The following KIAA1549L variants were observed in gnomAD, a reference collection of about 807,000 sequenced individuals.
KIAA1549L encodes the protein KIAA1549 like.
Under a neutral mutation model 160.7 loss-of-function variants are expected in KIAA1549L, and 88 were observed. The observed-to-expected ratio is 0.55, with a 90% CI of 0.46 to 0.65. The LOEUF is 0.65. Ranked by LOEUF, KIAA1549L falls within the 30% of genes least tolerant of loss-of-function variation. KIAA1549L has a pLI of 0.00. For synonymous variants in KIAA1549L, 950 were observed against 976.7 expected (o/e 0.97, Z 0.51); for missense variants, 2,258 against 2,437.5 (o/e 0.93, Z 1.55).
At chr11:33,599,705 C>T (rs529456007) in intron 13 of KIAA1549L, among the ~76,000 whole-genome samples, 6 of 152,322 alleles carry the variant, frequency 3.9e-5, no homozygotes, top group African/African-American at 1.4e-4. Context: ...GCAGCTCCCT[C>T]TCCTGTTCCC....
In KIAA1549L at chr11:33,673,500, T is replaced by C. The variant is rs1186199565; in HGVS notation, c.*5346T>C. On this transcript the variant is annotated 3_prime_UTR_variant, in exon 21 of 21. Transcript: ENST00000658780. ...GGAAATTGTGAAAAAGGTATAAATA[T>C]CCTAGACCTTGATCAACTCACTTTA... 1 of 152,142 alleles carries C rather than the reference T, an allele frequency of 6.6e-6. No individual in the cohort carries two copies. Among genetic ancestry groups the C allele is most frequent in the Non-Finnish European group, 1.5e-5 (1 of 68,028 alleles). 9.4% of individuals were successfully genotyped at this position (152,142 alleles called of 1,614,324 possible).
At chr11:33,524,468 G>A (rs1455258003) in intron 1 of KIAA1549L, among the ~76,000 whole-genome samples, 1 of 151,664 alleles carries the variant, frequency 6.6e-6, no homozygotes, top group Non-Finnish European at 1.5e-5. Context: ...TAATGCATTA[G>A]TTCCAGCTTT....
In KIAA1549L at chr11:33,670,867, T is replaced by C. The variant is rs1852650869; in HGVS notation, c.*2713T>C. ...AGGAGGAAGCAGAAGTACCACGAAG[T>C]GGAGTGACTGGCCCAGTGATTCAGT... On this transcript the variant is annotated 3_prime_UTR_variant, in exon 21 of 21. Coordinates refer to ENST00000658780, the MANE Select transcript of KIAA1549L (RefSeq NM_012194.3). 2.0e-5 allele frequency: 3 copies of C among 152,388 alleles called. No individual in the cohort carries two copies. Among genetic ancestry groups the C allele is most frequent in the African/African-American group, 7.2e-5 (3 of 41,586 alleles). 9.4% of individuals were successfully genotyped at this position (152,388 alleles called of 1,614,324 possible). A position where few individuals can be genotyped will look rare whatever the true frequency, so the allele number is the denominator to read the frequency against.
At chr11:33,515,056 A>G (rs1290368572) in intron 1 of KIAA1549L, among the ~76,000 whole-genome samples, 1 of 152,146 alleles carries the variant, frequency 6.6e-6, no homozygotes, top group African/African-American at 2.4e-5. Flanking sequence ...CAATGTTGCT[A>G]TGTCCATAGA....
At chr11:33,491,427 CT>C (rs1379007925) in intron 1 of KIAA1549L, among the ~76,000 whole-genome samples, 3 of 152,080 alleles carry the variant, frequency 2.0e-5, no homozygotes, top group African/African-American at 7.2e-5. Context: ...GAAGAAGGGG[CT>C]TATGTACACA....
chr11:33,408,437 A>G (rs1029754955), intron 1 of KIAA1549L, among the ~76,000 whole-genome samples: 3 of 151,080 alleles, frequency 2.0e-5, no homozygotes, highest in African/African-American at 4.9e-5. Flanking sequence ...CTAATATTTT[A>G]TATGGCGCTC....
intron 1 of KIAA1549L, among the ~76,000 whole-genome samples, chr11:33,475,947 G>A (rs1283532056): frequency 6.6e-6 from 1 of 152,114 alleles, no homozygotes; most frequent in Non-Finnish European, 1.5e-5. Flanking sequence ...TTAAATCTGG[G>A]GTGGGCCTGG....
Position 33,667,254 on chromosome 11 carries a change from G to GAT in KIAA1549L, c.6160-612_6160-611dup, listed in dbSNP as rs544485350. Among the ~76,000 whole-genome samples the GAT allele has an allele frequency of 3.8e-3, 574 of 152,150 alleles. 2 individuals are homozygous for GAT. Among genetic ancestry groups the GAT allele is most frequent in the Non-Finnish European group, 6.8e-3 (461 of 68,008 alleles). On this transcript the variant is annotated intron_variant, in intron 20 of 20. Coordinates refer to ENST00000658780, the MANE Select transcript of KIAA1549L (RefSeq NM_012194.3). ...CCAGGTAGATTCAAATATAGACTCA[G>GAT]ATATATATTCCTAAGGTTTTTCAGC...
chr11:33,387,763 T>C (rs977079505), intron 1 of KIAA1549L, among the ~76,000 whole-genome samples: 1 of 152,306 alleles, frequency 6.6e-6, no homozygotes, highest in African/African-American at 2.4e-5. Context: ...TTTCGTTTTC[T>C]CATCTGTGGA....
intron 1 of KIAA1549L, among the ~76,000 whole-genome samples, chr11:33,518,741 T>G (rs1853414897): frequency 1.3e-5 from 2 of 152,260 alleles, no homozygotes; most frequent in African/African-American, 4.8e-5. Context: ...AAAATCTAAC[T>G]TTGGTTATTA....
At chr11:33,435,800 A>ATATGTGTGTGTGTGTGTGTGTGTGTG (rs1554976797) in intron 1 of KIAA1549L, among the ~76,000 whole-genome samples, 4 of 12,884 alleles carry the variant, frequency 3.1e-4, no homozygotes, top group African/African-American at 5.9e-4. Flanking sequence ...ATATATATAT[A>ATATGTGTGTGTGTGTGTGTGTGTGTG]TATATATATA....
At chr11:33,655,518 T>C (rs1239443534) in intron 17 of KIAA1549L, among the ~76,000 whole-genome samples, 1 of 152,252 alleles carries the variant, frequency 6.6e-6, no homozygotes, top group Non-Finnish European at 1.5e-5. Flanking sequence ...ACCTGTTATA[T>C]ACCAGGCACT....
chr11:33,494,834 G>T (rs2133074385), intron 1 of KIAA1549L, among the ~76,000 whole-genome samples: 1 of 152,322 alleles, frequency 6.6e-6, no homozygotes, highest in East Asian at 1.9e-4. Flanking sequence ...CAGCTTTTGT[G>T]TGAGAAGAAC....
intron 12 of KIAA1549L, among the ~76,000 whole-genome samples, chr11:33,592,209 T>C (rs1393569467): frequency 6.6e-6 from 1 of 152,132 alleles, no homozygotes; most frequent in African/African-American, 2.4e-5. Context: ...GAAGATAAAT[T>C]AAAATTTTGG....
chr11:33,583,405 C>A lies in KIAA1549L; in HGVS notation c.4470C>A (p.Val1490=). ...CAGTGCTGGCGCCCATTGCCGTGGT[C>A]ACGGTCATCATCATCATCATCACTG... The part of the protein sequence containing the change: ...IAAVLAPIAV[V]TVIIIIITAV... The change falls in exon 11 of 21, where the codon GTC becomes GTA. Residue 1490 remains valine (V), a synonymous_variant. Coordinates refer to ENST00000658780, the MANE Select transcript of KIAA1549L (RefSeq NM_012194.3). The A allele has an allele frequency of 6.2e-7, 1 of 1,602,724 alleles. No individual in the cohort carries two copies. The highest frequency in any genetic ancestry group is 1.1e-5 in the South Asian group (1 of 88,592).
intron 1 of KIAA1549L, among the ~76,000 whole-genome samples, chr11:33,529,968 T>A (rs1345788595): frequency 6.6e-6 from 1 of 152,120 alleles, no homozygotes; most frequent in Non-Finnish European, 1.5e-5. Context: ...TTTGCCCAAT[T>A]CTCTAGGCCC....
chr11:33,576,013 T>C (rs534121527), intron 10 of KIAA1549L, among the ~76,000 whole-genome samples: 1 of 152,076 alleles, frequency 6.6e-6, no homozygotes, highest in African/African-American at 2.4e-5. Context: ...GCAGGACTGG[T>C]GAGGAGGCTC....
intron 1 of KIAA1549L, among the ~76,000 whole-genome samples, chr11:33,396,194 A>G (rs762880028): frequency 1.3e-5 from 2 of 152,174 alleles, no homozygotes; most frequent in Non-Finnish European, 1.5e-5. Context: ...CTTTGCATGA[A>G]GTATGTCCTA....
At chr11:33,432,857 G>T (rs552653376) in intron 1 of KIAA1549L, among the ~76,000 whole-genome samples, 3 of 152,172 alleles carry the variant, frequency 2.0e-5, no homozygotes, top group Admixed American at 6.5e-5. Flanking sequence ...TCAGTAAATG[G>T]TGCTGGGAAA....
Sources: allele counts gnomAD v4.1 joint callset (sites outside exome capture counted in the v4.1 genomes callset), GRCh38; gene constraint gnomAD v4.1.1; transcripts MANE v1.5; gene names NCBI Gene and HGNC (gene_info 2026-07-23, HGNC 2026-07-21).